The following APP variants were observed in gnomAD, a reference collection of about 807,000 sequenced individuals.
The protein encoded by APP is amyloid beta precursor protein.
APP carries 31 observed loss-of-function variants against 101.4 expected under a neutral mutation model. That is an observed-to-expected ratio of 0.31 (90% CI 0.23 to 0.41). APP has a LOEUF of 0.41. Among genes scored for constraint, APP ranks in the 10% least tolerant of loss-of-function variants. The pLI is 1.00. For synonymous variants in APP, 366 were observed against 364.4 expected, an observed-to-expected ratio of 1.00 and a Z score of -0.05; for missense variants, 839 against 1,003.7, an observed-to-expected ratio of 0.84 and a Z score of 2.22.
chr21:26,158,585 C>A (rs1326473862), intron 1 of APP, among the ~76,000 whole-genome samples: 1 of 152,204 alleles, frequency 6.6e-6, no homozygotes, highest in East Asian at 1.9e-4. Flanking sequence ...CCTAACTGAA[C>A]CATGAATATC....
At chr21:26,021,581 G>A (rs115291417) in intron 6 of APP, among the ~76,000 whole-genome samples, 22 of 152,148 alleles carry the variant, frequency 1.4e-4, no homozygotes, top group Middle Eastern at 3.4e-3. Flanking sequence ...CTGGTTGGGC[G>A]GAGTCTTGTA....
intron 17 of APP, among the ~76,000 whole-genome samples, chr21:25,890,012 G>C (rs1039929832): frequency 6.6e-6 from 1 of 152,198 alleles, no homozygotes; most frequent in African/African-American, 2.4e-5. Context: ...GAGCAGAAAT[G>C]AAATAAGCTG....
chr21:26,053,565 T>G (rs2045923025), intron 3 of APP: 1 of 460,008 alleles, frequency 2.2e-6, no homozygotes, highest in Non-Finnish European at 4.0e-6. Context: ...AAATAATGCC[T>G]AAATGCTGCA....
chr21:25,972,878 G>C (rs1018754098), intron 11 of APP, among the ~76,000 whole-genome samples: 1 of 151,684 alleles, frequency 6.6e-6, no homozygotes, highest in African/African-American at 2.4e-5. Flanking sequence ...AATGTAGTAA[G>C]GAAAAAGTAT....
intron 1 of APP, among the ~76,000 whole-genome samples, chr21:26,150,606 C>CAGACAGAT (rs2063246802): frequency 3.4e-5 from 5 of 148,678 alleles, no homozygotes; most frequent in Admixed American, 2.0e-4. Context: ...TCTAGATAGA[C>CAGACAGAT]AGATAGATAG....
chr21:26,070,752 AG>A (rs1037410677), intron 3 of APP, among the ~76,000 whole-genome samples: 2 of 152,210 alleles, frequency 1.3e-5, no homozygotes, highest in Non-Finnish European at 2.9e-5. Flanking sequence ...CAAAACACCC[AG>A]AAAAATCTAA....
intron 13 of APP, among the ~76,000 whole-genome samples, chr21:25,914,549 CTTTTT>C (rs10647133): frequency 8.7e-6 from 1 of 114,810 alleles, no homozygotes; most frequent in African/African-American, 4.2e-5. Context: ...CACAAGGCGC[CTTTTT>C]TTTTTTTTTT....
intron 5 of APP, among the ~76,000 whole-genome samples, chr21:26,048,646 T>C (rs755608439): frequency 6.6e-6 from 1 of 152,210 alleles, no homozygotes; most frequent in Non-Finnish European, 1.5e-5. Flanking sequence ...ACATAAACTA[T>C]AGTTTGGATT....
chr21:26,052,530 C>A (rs557322141), intron 4 of APP, among the ~76,000 whole-genome samples: 36 of 152,214 alleles, frequency 2.4e-4, no homozygotes, highest in Non-Finnish European at 4.7e-4. Flanking sequence ...GGTGGTCTTA[C>A]CACACAGTGA....
At chr21:26,049,459 A>G (rs191486582) in intron 5 of APP, among the ~76,000 whole-genome samples, 51 of 152,210 alleles carry the variant, frequency 3.4e-4, no homozygotes, top group Non-Finnish European at 6.2e-4. Flanking sequence ...AGGAGAATGA[A>G]GTTGGGCTGG....
At chr21:26,100,139 C>T (rs1220075436) in intron 2 of APP, among the ~76,000 whole-genome samples, 1 of 152,202 alleles carries the variant, frequency 6.6e-6, no homozygotes, top group Non-Finnish European at 1.5e-5. Context: ...GATGTGTACA[C>T]ATAGCCTAGA....
intron 1 of APP, among the ~76,000 whole-genome samples, chr21:26,113,063 G>GA (rs1205084880): frequency 3.3e-5 from 5 of 151,118 alleles, no homozygotes; most frequent in African/African-American, 7.3e-5. Context: ...ATCTCAAAAA[G>GA]AAAAAAAAAT....
intron 1 of APP, among the ~76,000 whole-genome samples, chr21:26,161,040 C>T (rs556116807): frequency 6.6e-6 from 1 of 152,292 alleles, no homozygotes; most frequent in South Asian, 2.1e-4. Context: ...GAAGGTTGCA[C>T]AGCTGTTCGA....
chr21:26,093,604 G>C (rs547471235), intron 2 of APP, among the ~76,000 whole-genome samples: 1 of 152,246 alleles, frequency 6.6e-6, no homozygotes, highest in South Asian at 2.1e-4. Flanking sequence ...TTTCCAAGTA[G>C]GTAGAATTGC....
At chr21:26,158,579 A>T (rs1311586034) in intron 1 of APP, among the ~76,000 whole-genome samples, 2 of 152,154 alleles carry the variant, frequency 1.3e-5, no homozygotes, top group East Asian at 3.8e-4. Context: ...CCTAAACCTA[A>T]CTGAACCATG....
At chr21:26,094,246 T>C (rs1220941312) in intron 2 of APP, among the ~76,000 whole-genome samples, 1 of 152,190 alleles carries the variant, frequency 6.6e-6, no homozygotes, top group Non-Finnish European at 1.5e-5. Context: ...ATTATTAATT[T>C]AGATTTTCCA....
intron 1 of APP, among the ~76,000 whole-genome samples, chr21:26,158,797 C>T (rs2063426377): frequency 6.6e-6 from 1 of 152,208 alleles, no homozygotes; most frequent in Non-Finnish European, 1.5e-5. Flanking sequence ...TTCACCTTCA[C>T]ACATCCTTGA....
chr21:26,096,291 C>A (rs1460719536), intron 2 of APP, among the ~76,000 whole-genome samples: 10 of 152,204 alleles, frequency 6.6e-5, no homozygotes, highest in Non-Finnish European at 1.5e-4. Context: ...AAGAAGCTTT[C>A]CTCAAGGGCA....
chr21:26,168,153 T>A (rs969930085), intron 1 of APP, among the ~76,000 whole-genome samples: 4 of 152,142 alleles, frequency 2.6e-5, no homozygotes, highest in Non-Finnish European at 4.4e-5. Flanking sequence ...TTAGGGTTTG[T>A]TAAACTCACA....
Sources: gnomAD v4.1 joint callset for allele counts (sites outside exome capture counted in the v4.1 genomes callset) on GRCh38, gnomAD v4.1.1 for gene constraint, MANE v1.5 for transcripts, NCBI Gene and HGNC (gene_info 2026-07-23, HGNC 2026-07-21) for gene names.